Variants in GRIK2 observed in about 807,000 individuals in gnomAD.
GRIK2 encodes the protein glutamate receptor ionotropic, kainate 2.
Under a neutral mutation model 100.3 loss-of-function variants are expected in GRIK2, and 32 were observed. That is an observed-to-expected ratio of 0.32 (90% CI 0.24 to 0.43). The LOEUF is 0.43. Ranked by LOEUF, GRIK2 falls within the 20% of genes least tolerant of loss-of-function variation. The probability of loss-of-function intolerance (pLI) is 1.00; values close to 1 mark genes in which losing one functional copy is unlikely to be tolerated. For missense variants in GRIK2, 843 were observed against 1,114.9 expected (o/e 0.76, Z 3.47); for synonymous variants, 417 against 389.4 (o/e 1.07, Z -0.83).
chr6:101,943,690 C>T (rs1791097585), intron 14 of GRIK2, among the ~76,000 whole-genome samples: 1 of 152,188 alleles, frequency 6.6e-6, no homozygotes, highest in East Asian at 1.9e-4. Context: ...CCTGTAGCCC[C>T]TTAGTCTTGA....
At chr6:101,611,361 T>C (rs929454667) in intron 2 of GRIK2, among the ~76,000 whole-genome samples, 51 of 151,830 alleles carry the variant, frequency 3.4e-4, no homozygotes, top group African/African-American at 1.2e-3. Flanking sequence ...TCTGAGAATA[T>C]GATAGATGTA....
At chr6:101,770,127 C>T (rs1583112649) in intron 7 of GRIK2, among the ~76,000 whole-genome samples, 1 of 152,150 alleles carries the variant, frequency 6.6e-6, no homozygotes, top group Admixed American at 6.5e-5. Context: ...ACATTAGTGA[C>T]TCATTTGATT....
chr6:101,992,373 G>A (rs1278110680), intron 14 of GRIK2, among the ~76,000 whole-genome samples: 2 of 151,546 alleles, frequency 1.3e-5, no homozygotes, highest in African/African-American at 4.8e-5. Flanking sequence ...ATAGATAAAA[G>A]CCTATTTAGT....
chr6:101,645,166 A>G (rs189460159), intron 4 of GRIK2, among the ~76,000 whole-genome samples: 348 of 151,888 alleles, frequency 2.3e-3, no homozygotes, highest in Middle Eastern at 0.01. Context: ...ATAAGAAGAA[A>G]AAAAAAAAAA....
intron 14 of GRIK2, among the ~76,000 whole-genome samples, chr6:102,023,854 T>C (rs552169489): frequency 6.6e-6 from 1 of 151,512 alleles, no homozygotes; most frequent in African/African-American, 2.4e-5. Flanking sequence ...AAAAGTAATA[T>C]TGAGATTTAT....
At chr6:101,628,648 A>G (rs1363840632) in intron 4 of GRIK2, among the ~76,000 whole-genome samples, 2 of 152,124 alleles carry the variant, frequency 1.3e-5, no homozygotes, top group African/African-American at 2.4e-5. Flanking sequence ...GTCATCTACA[A>G]AACTATATAA....
intron 14 of GRIK2, among the ~76,000 whole-genome samples, chr6:102,031,074 A>ATT (rs1769959378): frequency 4.6e-5 from 5 of 109,748 alleles, no homozygotes; most frequent in Non-Finnish European, 7.6e-5. Flanking sequence ...AGTATTATGC[A>ATT]TTACACACAC....
intron 14 of GRIK2, among the ~76,000 whole-genome samples, chr6:101,997,695 C>T (rs768393758): frequency 1.1e-4 from 17 of 152,040 alleles, no homozygotes; most frequent in East Asian, 3.9e-4. Context: ...TATTATCTAT[C>T]ATCTATATAT....
chr6:101,464,759 A>G (rs1023337742), intron 2 of GRIK2, among the ~76,000 whole-genome samples: 1 of 151,796 alleles, frequency 6.6e-6, no homozygotes, highest in African/African-American at 2.4e-5. Flanking sequence ...TGACCTCGTG[A>G]TCTGCCCGCC....
At chr6:101,471,440 G>C (rs989516552) in intron 2 of GRIK2, among the ~76,000 whole-genome samples, 1 of 151,908 alleles carries the variant, frequency 6.6e-6, no homozygotes, top group Non-Finnish European at 1.5e-5. Flanking sequence ...ATGCAGCTCT[G>C]TTAAAGGAGA....
chr6:101,497,726 C>CT (rs1316825606), intron 2 of GRIK2, among the ~76,000 whole-genome samples: 2 of 151,944 alleles, frequency 1.3e-5, no homozygotes, highest in Non-Finnish European at 2.9e-5. Flanking sequence ...TTAAAGTTAA[C>CT]TTTTAAGTTC....
chr6:101,472,202 G>C (rs1339896693), intron 2 of GRIK2, among the ~76,000 whole-genome samples: 1 of 151,492 alleles, frequency 6.6e-6, no homozygotes, highest in East Asian at 1.9e-4. Context: ...TGCATTTTTT[G>C]TAAAGCTTCT....
At chr6:101,567,005 A>T (rs2128297711) in intron 2 of GRIK2, among the ~76,000 whole-genome samples, 1 of 151,344 alleles carries the variant, frequency 6.6e-6, no homozygotes, top group African/African-American at 2.4e-5. Flanking sequence ...TATCTATTAA[A>T]TAAAAATTTC....
intron 14 of GRIK2, chr6:101,993,131 C>T (rs1794459362): frequency 6.6e-6 from 1 of 151,160 alleles, no homozygotes; most frequent in Non-Finnish European, 1.5e-5. Context: ...TTCTTTTCCT[C>T]TATCAAACCA....
intron 2 of GRIK2, among the ~76,000 whole-genome samples, chr6:101,580,365 G>A (rs1230189388): frequency 1.3e-5 from 2 of 152,000 alleles, no homozygotes; most frequent in Non-Finnish European, 2.9e-5. Context: ...TTTTTAAATT[G>A]TCTCTTTCCC....
intron 7 of GRIK2, among the ~76,000 whole-genome samples, chr6:101,784,426 G>T (rs1779298639): frequency 6.6e-6 from 1 of 152,230 alleles, no homozygotes; most frequent in African/African-American, 2.4e-5. Flanking sequence ...GACTTGCCTT[G>T]TCTCAGAGGA....
Position 101,676,774 on chromosome 6 carries a change from C to G in GRIK2, c.693C>G (p.Ser231Arg), listed in dbSNP as rs982125427. The G allele has an allele frequency of 6.2e-7, 1 of 1,603,926 alleles. No individual in the cohort carries two copies. Among genetic ancestry groups the G allele is most frequent in the Non-Finnish European group, 8.5e-7 (1 of 1,175,304 alleles). The change falls in exon 5 of 17, where the codon AGC (serine) becomes AGG (arginine). Residue 231 changes from serine (S) to arginine (R), a missense_variant. Coordinates refer to ENST00000369134, the MANE Select transcript of GRIK2 (RefSeq NM_021956.5). ...AGTTTCATGTAATCTTTGATTGTAG[C>G]CATGAAATGGCAGCAGGCATTTTAA... ...GKEFHVIFDC[S>R]HEMAAGILKQ...
chr6:101,508,883 T>C (rs1266390010), intron 2 of GRIK2, among the ~76,000 whole-genome samples: 1 of 151,868 alleles, frequency 6.6e-6, no homozygotes, highest in East Asian at 1.9e-4. Context: ...AGGCTGGGCG[T>C]GGTGGCTCAC....
chr6:101,797,341 G>A (rs564812386), intron 7 of GRIK2, among the ~76,000 whole-genome samples: 1 of 152,022 alleles, frequency 6.6e-6, no homozygotes, highest in South Asian at 2.1e-4. Flanking sequence ...TATATAGTAT[G>A]TAGTGGTGGC....
Sources: gnomAD v4.1 joint callset for allele counts (sites outside exome capture counted in the v4.1 genomes callset) on GRCh38, gnomAD v4.1.1 for gene constraint, MANE v1.5 for transcripts, NCBI Gene and HGNC (gene_info 2026-07-23, HGNC 2026-07-21) for gene names.